THEMIS: variants seen among roughly 807,000 people sequenced by gnomAD.
THEMIS encodes thymocyte selection associated.
Under a neutral mutation model 52.6 loss-of-function variants are expected in THEMIS, and 37 were observed. The ratio of observed to expected loss-of-function variants is 0.70; its 90% CI spans 0.54 to 0.93. The LOEUF is 0.93. Ranked by LOEUF, THEMIS falls within the 40% of genes least tolerant of loss-of-function variation. The probability of loss-of-function intolerance (pLI) is 0.00; values close to 1 mark genes in which losing one functional copy is unlikely to be tolerated. For synonymous variants in THEMIS, 292 were observed against 272.7 expected (o/e 1.07, Z -0.70); for missense variants, 808 against 763.1 (o/e 1.06, Z -0.69).
At chr6:127,714,486 C>T (rs1448299914) in intron 5 of THEMIS, among the ~76,000 whole-genome samples, 1 of 151,720 alleles carries the variant, frequency 6.6e-6, no homozygotes, top group South Asian at 2.1e-4. Flanking sequence ...GCAATGGGAC[C>T]TATTAATATT....
In THEMIS at chr6:127,775,104, A is replaced by T. The variant is rs139332381; in HGVS notation, c.1758+37779T>A. On this transcript the variant is annotated intron_variant, in intron 4 of 5. Transcript: ENST00000368248. The stretch of plus-strand genomic sequence containing the variant: ...GGCTCAGGAGGCAGGGCATATGTTG[A>T]TTAGGACCCATATATGTTCCCTGGG... 1.1e-3 allele frequency among the ~76,000 whole-genome samples: 172 copies of T among 152,268 alleles called. 1 individual carries two copies. Among genetic ancestry groups the T allele is most frequent in the African/African-American group, 3.9e-3 (162 of 41,544 alleles).
intron 5 of THEMIS, among the ~76,000 whole-genome samples, chr6:127,713,567 G>T (rs1260438190): frequency 6.6e-6 from 1 of 151,870 alleles, no homozygotes; most frequent in African/African-American, 2.4e-5. Context: ...AAATATGTTA[G>T]AGAGCACAAA....
intron 5 of THEMIS, among the ~76,000 whole-genome samples, chr6:127,716,505 C>T (rs1344011690): frequency 6.6e-6 from 1 of 151,834 alleles, no homozygotes; most frequent in Non-Finnish European, 1.5e-5. Context: ...TTCCCCACCC[C>T]CTAATTCAGG....
chr6:127,732,288 G>T (rs1169149644), intron 4 of THEMIS, among the ~76,000 whole-genome samples: 1 of 151,812 alleles, frequency 6.6e-6, no homozygotes, highest in Non-Finnish European at 1.5e-5. Flanking sequence ...CTTACATTTT[G>T]ATGGGTATGG....
Position 127,720,833 on chromosome 6 carries a change from C to T in THEMIS, c.1759-1010G>A, listed in dbSNP as rs535539735. On this transcript the variant is annotated intron_variant, in intron 4 of 5. Transcript: ENST00000368248. Reference sequence around the variant, plus strand: ...ACAAAATGAACAGTGCTGAGCCTTACGATATGAATCCTGAACTTTGGACAG... The same window carrying T: ...ACAAAATGAACAGTGCTGAGCCTTATGATATGAATCCTGAACTTTGGACAG... Among the ~76,000 whole-genome samples, 10 of 152,054 alleles carry T rather than the reference C, an allele frequency of 6.6e-5. No homozygotes were observed. In the South Asian group the frequency reaches 1.0e-3, roughly 16 times the overall value.
chr6:127,774,432 C>T (rs776863736), intron 4 of THEMIS, among the ~76,000 whole-genome samples: 1 of 152,172 alleles, frequency 6.6e-6, no homozygotes, highest in Non-Finnish European at 1.5e-5. Context: ...GTCTCGATCT[C>T]CTGACCCCAT....
chr6:127,814,941 C>T (rs1400012967), intron 3 of THEMIS, among the ~76,000 whole-genome samples: 1 of 152,136 alleles, frequency 6.6e-6, no homozygotes, highest in Non-Finnish European at 1.5e-5. Context: ...AGGACTGCTT[C>T]AGCCCAGGAG....
chr6:127,746,787 A>G (rs1451283586), intron 4 of THEMIS, among the ~76,000 whole-genome samples: 1 of 47,104 alleles, frequency 2.1e-5, no homozygotes, highest in Non-Finnish European at 3.2e-5. Flanking sequence ...ATATAATTAT[A>G]TATTATTATA....
At chr6:127,780,475 A>T (rs1583268913) in intron 4 of THEMIS, among the ~76,000 whole-genome samples, 1 of 152,226 alleles carries the variant, frequency 6.6e-6, no homozygotes, top group Non-Finnish European at 1.5e-5. Flanking sequence ...TAGTTGACGC[A>T]GTTTCTTCAT....
At chr6:127,824,665 T>G (rs751973091) in intron 3 of THEMIS, among the ~76,000 whole-genome samples, 1 of 151,930 alleles carries the variant, frequency 6.6e-6, no homozygotes, top group African/African-American at 2.4e-5. Context: ...AAAAAAACTA[T>G]CTAAAATATT....
intron 4 of THEMIS, among the ~76,000 whole-genome samples, chr6:127,745,962 T>C (rs1409698221): frequency 1.3e-5 from 2 of 151,870 alleles, no homozygotes; most frequent in Non-Finnish European, 2.9e-5. Flanking sequence ...CCTTGATTTA[T>C]AAATATGAGT....
intron 4 of THEMIS, among the ~76,000 whole-genome samples, chr6:127,804,018 T>C (rs1383605039): frequency 6.6e-6 from 1 of 152,146 alleles, no homozygotes; most frequent in Non-Finnish European, 1.5e-5. Flanking sequence ...TATGAATCCA[T>C]ATACATGAAT....
At chr6:127,730,316 G>GAA (rs1176339654) in intron 4 of THEMIS, among the ~76,000 whole-genome samples, 1 of 129,860 alleles carries the variant, frequency 7.7e-6, no homozygotes, top group African/African-American at 3.3e-5. Flanking sequence ...GAAAAGAAAA[G>GAA]AGAAAAAAAG....
At chr6:127,781,754 C>T (rs745686580) in intron 4 of THEMIS, among the ~76,000 whole-genome samples, 9 of 152,114 alleles carry the variant, frequency 5.9e-5, no homozygotes, top group Non-Finnish European at 1.2e-4. Flanking sequence ...GTTGCCTGTT[C>T]CTTCCTCTGG....
In THEMIS at chr6:127,812,764, C is replaced by A. The variant is rs115318176; in HGVS notation, c.1758+119G>T. The A allele has an allele frequency of 7.2e-4, 731 of 1,008,984 alleles. 4 individuals are homozygous for A. In the African/African-American group the frequency reaches 9.2e-3, roughly 13 times the overall value. 62.5% of individuals were successfully genotyped at this position (1,008,984 alleles called of 1,614,324 possible). A position where few individuals can be genotyped will look rare whatever the true frequency, so the allele number is the denominator to read the frequency against. On this transcript the variant is annotated intron_variant, in intron 4 of 5. Coordinates refer to ENST00000368248, the MANE Select transcript of THEMIS (RefSeq NM_001010923.3). ...ATTCATCTACTGCACATCAGAAAAG[C>A]TCATTGCAAATATGGCATGAAAGAA...
chr6:127,818,910 G>A (rs747899397), intron 3 of THEMIS, among the ~76,000 whole-genome samples: 1 of 151,836 alleles, frequency 6.6e-6, no homozygotes, highest in Admixed American at 6.6e-5. Flanking sequence ...ACAAGGTCAG[G>A]AGATCGAGAC....
intron 5 of THEMIS, among the ~76,000 whole-genome samples, chr6:127,710,943 TTCCC>T (rs368670307): frequency 2.8e-5 from 4 of 141,784 alleles, no homozygotes; most frequent in Admixed American, 7.0e-5. Context: ...CCCTCCCTCC[TTCCC>T]TCCCTCCCTC....
chr6:127,824,613 C>A (rs759011823), intron 3 of THEMIS, among the ~76,000 whole-genome samples: 1 of 151,974 alleles, frequency 6.6e-6, no homozygotes, highest in Non-Finnish European at 1.5e-5. Context: ...AAAAAAGAAC[C>A]CCAAAAGAGG....
rs771737115 is a variant in THEMIS at position 127,710,050 on chromosome 6, A to G, written c.1895-34T>C. ...AAAAAAAGAAGGGTTTATCAGAAAT[A>G]AGTATTGAAAATAACCAGAAAGGAA... On this transcript the variant is annotated intron_variant, in intron 5 of 5. Coordinates refer to ENST00000368248, the MANE Select transcript of THEMIS (RefSeq NM_001010923.3). 5 of 1,449,746 alleles carry G rather than the reference A, an allele frequency of 3.4e-6. No individual in the cohort carries two copies. In the African/African-American group the frequency reaches 5.8e-5, roughly 17 times the overall value. The allele number at this position is 1,449,746 out of a possible 1,614,324, so 89.8% of individuals were successfully genotyped here. A position where few individuals can be genotyped will look rare whatever the true frequency, so the allele number is the denominator to read the frequency against.
Sources: allele counts gnomAD v4.1 joint callset (sites outside exome capture counted in the v4.1 genomes callset), GRCh38; gene constraint gnomAD v4.1.1; transcripts MANE v1.5; gene names NCBI Gene and HGNC (gene_info 2026-07-23, HGNC 2026-07-21).